Variants in MAD1L1 observed in about 807,000 individuals in gnomAD.
MAD1L1 encodes the protein mitotic spindle assembly checkpoint protein MAD1.
In MAD1L1, 95 loss-of-function variants were observed where a neutral mutation model predicts 96.9. The ratio of observed to expected loss-of-function variants is 0.98; its 90% CI spans 0.83 to 1.16. The LOEUF is 1.16. MAD1L1 is among the 50% of genes most tolerant of loss of function. The pLI is 0.00. For synonymous variants in MAD1L1, 473 were observed against 396.6 expected, an observed-to-expected ratio of 1.19 and a Z score of -2.29; for missense variants, 1,007 against 954.4, an observed-to-expected ratio of 1.06 and a Z score of -0.73.
intron 18 of MAD1L1, among the ~76,000 whole-genome samples, chr7:1,873,847 T>C (rs996729990): frequency 6.6e-6 from 1 of 152,164 alleles, no homozygotes; most frequent in African/African-American, 2.4e-5. Flanking sequence ...GCTGAGGGAC[T>C]CCTGGCCCTG....
intron 12 of MAD1L1, among the ~76,000 whole-genome samples, chr7:2,053,791 T>C (rs1160164682): frequency 6.6e-6 from 1 of 152,180 alleles, no homozygotes; most frequent in Non-Finnish European, 1.5e-5. Context: ...TCTCCAAGTG[T>C]GATTTGCCAC....
In MAD1L1 at chr7:1,936,978, GC is replaced by G. The variant is rs1583846825; in HGVS notation, c.1597-82del. The G allele has an allele frequency of 5.2e-6, 6 of 1,155,206 alleles. No homozygotes were observed. In the East Asian group the frequency reaches 1.6e-4, roughly 30 times the overall value. The allele number at this position is 1,155,206 out of a possible 1,614,324, so 71.6% of individuals were successfully genotyped here. A position where few individuals can be genotyped will look rare whatever the true frequency, so the allele number is the denominator to read the frequency against. On this transcript the variant is annotated intron_variant, in intron 16 of 18. Transcript: ENST00000265854. ...GTCACACACAGCATGGGTCACCATG[GC>G]CCAGGAAGACACACAGCACGGGTCA... is the stretch of plus-strand genomic sequence containing the variant.
intron 11 of MAD1L1, among the ~76,000 whole-genome samples, chr7:2,073,470 G>C (rs555365127): frequency 6.6e-6 from 1 of 152,062 alleles, no homozygotes; most frequent in Non-Finnish European, 1.5e-5. Flanking sequence ...CCTACCCTTA[G>C]CATAACTAGA....
chr7:2,149,408 G>A (rs1264329085), intron 10 of MAD1L1, among the ~76,000 whole-genome samples, 170 bp from the exon 11 acceptor site: 1 of 152,122 alleles, frequency 6.6e-6, no homozygotes, highest in Non-Finnish European at 1.5e-5. Context: ...CTACAGCCTG[G>A]GGTCAACCAC....
At chr7:2,168,022 C>A (rs1052799685) in intron 10 of MAD1L1, among the ~76,000 whole-genome samples, 33 of 151,482 alleles carry the variant, frequency 2.2e-4, no homozygotes, top group African/African-American at 8.0e-4. Flanking sequence ...TGGTGGCTCA[C>A]GCCTGTAATC....
intron 14 of MAD1L1, among the ~76,000 whole-genome samples, chr7:2,000,134 C>G (rs1444101248): frequency 6.6e-6 from 1 of 152,064 alleles, no homozygotes; most frequent in African/African-American, 2.4e-5. Context: ...GCGTGAGACT[C>G]CCACACTTCA....
At chr7:1,994,220 C>T (rs1049969303) in intron 14 of MAD1L1, among the ~76,000 whole-genome samples, 51 of 152,200 alleles carry the variant, frequency 3.4e-4, no homozygotes, top group African/African-American at 1.2e-3. Flanking sequence ...CACGTGCCAC[C>T]GCCACACCCA....
intron 17 of MAD1L1, among the ~76,000 whole-genome samples, chr7:1,915,711 G>C (rs983963559): frequency 6.6e-6 from 1 of 152,220 alleles, no homozygotes; most frequent in Non-Finnish European, 1.5e-5. Context: ...ACTCCACGGG[G>C]AAAGAAAAGT....
intron 16 of MAD1L1, among the ~76,000 whole-genome samples, chr7:1,940,974 C>CCCTCCTCTTCCTCCCCCAGGCCTCAG (rs1778948929): frequency 2.6e-5 from 3 of 114,148 alleles, no homozygotes; most frequent in Admixed American, 8.1e-5. Context: ...GCAGGCCTCA[C>CCCTCCTCTTCCTCCCCCAGGCCTCAG]CCTCCTCTTC....
chr7:2,176,692 C>T (rs549049076), intron 10 of MAD1L1, among the ~76,000 whole-genome samples: 171 of 152,044 alleles, frequency 1.1e-3, no homozygotes, highest in African/African-American at 4.1e-3. Flanking sequence ...AGTCACAGGA[C>T]ACTGTCAACA....
intron 17 of MAD1L1, among the ~76,000 whole-genome samples, chr7:1,918,239 G>A (rs1788545815): frequency 6.6e-6 from 1 of 152,178 alleles, no homozygotes; most frequent in South Asian, 2.1e-4. Context: ...GCCCCAGCCT[G>A]GTCTCTGGCC....
At chr7:1,941,032 G>A (rs575314131) in intron 16 of MAD1L1, among the ~76,000 whole-genome samples, 123 of 26,052 alleles carry the variant, frequency 4.7e-3, no homozygotes, top group Non-Finnish European at 8.6e-3. Context: ...TCAACACCGC[G>A]GACCTCCTGA....
At position 1,966,560 on chromosome 7, in the gene MAD1L1, C is replaced by CAAAAAAAAAA. The variant is rs199627043; in HGVS notation, c.1506-8851_1506-8842dup. On this transcript the variant is annotated intron_variant, in intron 15 of 18. Coordinates refer to ENST00000265854, the MANE Select transcript of MAD1L1 (RefSeq NM_001013836.2). ...AATGGCTGAAATATCCCAAACTTGG[C>CAAAAAAAAAA]AAAAAAAAAAAAAAAACAAAAAAAA... Among the ~76,000 whole-genome samples the CAAAAAAAAAA allele has an allele frequency of 9.7e-4, 9 of 9,268 alleles. 1 individual carries two copies. The highest frequency in any genetic ancestry group is 1.6e-3 in the Non-Finnish European group (5 of 3,104). 6.1% of individuals were successfully genotyped at this position (9,268 alleles called of 152,430 possible). A position where few individuals can be genotyped will look rare whatever the true frequency, so the allele number is the denominator to read the frequency against.
chr7:1,873,990 C>T (rs913225356), intron 18 of MAD1L1, among the ~76,000 whole-genome samples: 9 of 151,924 alleles, frequency 5.9e-5, no homozygotes, highest in South Asian at 2.1e-4. Flanking sequence ...GGGTCAGTTC[C>T]GGTGGGGAGG....
intron 17 of MAD1L1, among the ~76,000 whole-genome samples, chr7:1,921,725 A>T (rs1355010520): frequency 1.3e-5 from 2 of 152,254 alleles, no homozygotes; most frequent in Non-Finnish European, 2.9e-5. Context: ...ATCTGAATAC[A>T]GACCCGATTT....
At chr7:2,171,540 AAAGGACAGCAGAG>A (rs750731447) in intron 10 of MAD1L1, among the ~76,000 whole-genome samples, 2 of 136,818 alleles carry the variant, frequency 1.5e-5, no homozygotes, top group African/African-American at 3.5e-5. Flanking sequence ...TCCACCGTGC[AAAGGACAGCAGAG>A]AAGGACAGCA....
At chr7:1,979,830 G>A (rs917507340) in intron 15 of MAD1L1, among the ~76,000 whole-genome samples, 1 of 152,202 alleles carries the variant, frequency 6.6e-6, no homozygotes, top group African/African-American at 2.4e-5. Flanking sequence ...CTGCCATGCA[G>A]CCCCTGCGGC....
intron 14 of MAD1L1, among the ~76,000 whole-genome samples, chr7:1,996,347 C>T (rs1269992657): frequency 7.0e-6 from 1 of 143,572 alleles, no homozygotes; most frequent in Non-Finnish European, 1.5e-5. Flanking sequence ...CGGGCAGGGT[C>T]CCCCGGGTCT....
At chr7:2,168,846 A>G (rs376459088) in intron 10 of MAD1L1, among the ~76,000 whole-genome samples, 13 of 152,334 alleles carry the variant, frequency 8.5e-5, no homozygotes, top group African/African-American at 3.1e-4. Context: ...GGGAGGACTC[A>G]GGTTTTATTC....
Sources: gnomAD v4.1 joint callset for allele counts (sites outside exome capture counted in the v4.1 genomes callset) on GRCh38, gnomAD v4.1.1 for gene constraint, MANE v1.5 for transcripts, NCBI Gene and HGNC (gene_info 2026-07-23, HGNC 2026-07-21) for gene names.